SPATA13: variants seen among roughly 807,000 people sequenced by gnomAD.
SPATA13 encodes spermatogenesis associated 13.
In SPATA13, 50 loss-of-function variants were observed where a neutral mutation model predicts 104.0. The ratio of observed to expected loss-of-function variants is 0.48; its 90% CI spans 0.38 to 0.61. The LOEUF (loss-of-function observed/expected upper bound fraction) is 0.61. SPATA13 is among the 20% of genes least tolerant of loss of function. The pLI is 0.00. For missense variants in SPATA13, 1,524 were observed against 1,690.6 expected, an observed-to-expected ratio of 0.90 and a Z score of 1.73; for synonymous variants, 606 against 667.5, an observed-to-expected ratio of 0.91 and a Z score of 1.42.
chr13:24,209,250 T>C (rs568512283), intron 1 of SPATA13, among the ~76,000 whole-genome samples: 1 of 152,352 alleles, frequency 6.6e-6, no homozygotes, highest in East Asian at 1.9e-4. Context: ...TATCCCCGTT[T>C]CTCTATTAAA....
intron 4 of SPATA13, among the ~76,000 whole-genome samples, chr13:24,266,082 T>C (rs1330148580): frequency 6.6e-6 from 1 of 152,196 alleles, no homozygotes; most frequent in Non-Finnish European, 1.5e-5. Flanking sequence ...GAAATCCTCC[T>C]AGAGAGGTCA....
At chr13:24,162,304 C>T (rs1882534779) in intron 1 of SPATA13, 1 of 153,924 alleles carries the variant, frequency 6.5e-6, no homozygotes, top group Admixed American at 6.5e-5. Flanking sequence ...TGCCCTACTT[C>T]TCCCTGGCAG....
chr13:23,984,671 G>T (rs1875064819), intron 2 of SPATA13, among the ~76,000 whole-genome samples: 1 of 152,196 alleles, frequency 6.6e-6, no homozygotes, highest in Admixed American at 6.5e-5. Flanking sequence ...GCTTTTCCAA[G>T]GAACACGGAA....
At chr13:24,170,278 C>T (rs1241729435) in intron 1 of SPATA13, among the ~76,000 whole-genome samples, 1 of 152,232 alleles carries the variant, frequency 6.6e-6, no homozygotes, top group East Asian at 1.9e-4. Flanking sequence ...TGAAATCAAA[C>T]CCCACACAAC....
chr13:24,282,064 C>T (rs1406966327), intron 4 of SPATA13, among the ~76,000 whole-genome samples: 1 of 151,942 alleles, frequency 6.6e-6, no homozygotes, highest in Non-Finnish European at 1.5e-5. Flanking sequence ...CTCCTGGGCT[C>T]TATTTACAGA....
At chr13:24,089,375 A>G (rs1231623374) in intron 3 of SPATA13, among the ~76,000 whole-genome samples, 1 of 152,198 alleles carries the variant, frequency 6.6e-6, no homozygotes, top group Non-Finnish European at 1.5e-5. Context: ...AAAAGGAGAT[A>G]AAGATATTTC....
intron 3 of SPATA13, chr13:24,122,761 C>G: frequency 1.2e-6 from 1 of 813,786 alleles, no homozygotes; most frequent in Non-Finnish European, 2.2e-6. Flanking sequence ...TGGAAGACTT[C>G]AAATACAAGG....
intron 3 of SPATA13, among the ~76,000 whole-genome samples, chr13:24,120,887 A>G (rs1307408890): frequency 6.6e-6 from 1 of 152,174 alleles, no homozygotes; most frequent in Non-Finnish European, 1.5e-5. Flanking sequence ...ACAAAGGTGA[A>G]CTCAGGTACT....
chr13:24,199,534 T>C (rs944586299), intron 1 of SPATA13, among the ~76,000 whole-genome samples: 3 of 152,242 alleles, frequency 2.0e-5, no homozygotes, highest in African/African-American at 4.8e-5. Flanking sequence ...TGAAATAATA[T>C]GGATGGCAGA....
intron 3 of SPATA13, among the ~76,000 whole-genome samples, chr13:24,107,264 A>AT (rs1555261954): frequency 7.0e-5 from 10 of 143,658 alleles, no homozygotes; most frequent in Non-Finnish European, 1.4e-4. Flanking sequence ...AAAAAAAAAA[A>AT]GCTCAAGCCT....
intron 3 of SPATA13, among the ~76,000 whole-genome samples, chr13:24,078,465 G>A (rs1879403643): frequency 6.6e-6 from 1 of 152,108 alleles, no homozygotes; most frequent in African/African-American, 2.4e-5. Context: ...ACAGGCCTGG[G>A]GCACTTCACT....
intron 4 of SPATA13, among the ~76,000 whole-genome samples, chr13:24,257,263 T>A (rs998326437): frequency 6.6e-6 from 1 of 152,208 alleles, no homozygotes; most frequent in African/African-American, 2.4e-5. Flanking sequence ...TCCAGTTTAC[T>A]TCGCTGTTAG....
At chr13:24,054,006 T>C (rs1878455314) in intron 3 of SPATA13, among the ~76,000 whole-genome samples, 1 of 152,020 alleles carries the variant, frequency 6.6e-6, no homozygotes, top group South Asian at 2.1e-4. Context: ...GTCGTTGGGG[T>C]GACGGAGGCT....
chr13:24,211,583 G>T (rs781215598), intron 1 of SPATA13, among the ~76,000 whole-genome samples: 1 of 152,042 alleles, frequency 6.6e-6, no homozygotes, highest in African/African-American at 2.4e-5. Flanking sequence ...ATTTAGTAAG[G>T]TGCATCTCCG....
intron 3 of SPATA13, among the ~76,000 whole-genome samples, chr13:24,059,451 G>A (rs1368993618): frequency 1.3e-5 from 2 of 152,208 alleles, no homozygotes; most frequent in Non-Finnish European, 2.9e-5. Flanking sequence ...AATCCAAATA[G>A]GCTTTGGCTG....
chr13:24,112,962 A>G (rs1880695930), intron 3 of SPATA13, among the ~76,000 whole-genome samples: 1 of 152,162 alleles, frequency 6.6e-6, no homozygotes, highest in Non-Finnish European at 1.5e-5. Flanking sequence ...AGCAGACTCA[A>G]CAGGAGGGGC....
intron 1 of SPATA13, among the ~76,000 whole-genome samples, chr13:24,220,056 T>C (rs1048927481): frequency 1.1e-4 from 16 of 152,172 alleles, no homozygotes; most frequent in Non-Finnish European, 2.2e-4. Flanking sequence ...CAGTTTCTTA[T>C]CTAGAATGAG....
chr13:24,291,463 G>T (rs757682237), intron 9 of SPATA13, among the ~76,000 whole-genome samples: 17 of 152,174 alleles, frequency 1.1e-4, no homozygotes, highest in Non-Finnish European at 1.9e-4. Flanking sequence ...ATTGTCAGGG[G>T]TGCAAACCCA....
intron 3 of SPATA13, among the ~76,000 whole-genome samples, chr13:24,120,205 A>G (rs79595411): frequency 0.011 from 1,682 of 146,476 alleles, 39 homozygotes; most frequent in African/African-American, 0.044. Context: ...TCTGAAAAAA[A>G]AATCAGGATT....
Sources: gnomAD v4.1 joint callset for allele counts (sites outside exome capture counted in the v4.1 genomes callset) on GRCh38, gnomAD v4.1.1 for gene constraint, MANE v1.5 for transcripts, NCBI Gene and HGNC (gene_info 2026-07-23, HGNC 2026-07-21) for gene names.